Variants in COL13A1 observed in about 807,000 individuals in gnomAD.
The protein encoded by COL13A1 is collagen alpha-1(XIII) chain.
COL13A1 carries 89 observed loss-of-function variants against 130.9 expected under a neutral mutation model. That is an observed-to-expected ratio of 0.68 (90% CI 0.57 to 0.81). COL13A1 has a LOEUF of 0.81. Ranked by LOEUF, COL13A1 falls within the 30% of genes least tolerant of loss-of-function variation. COL13A1 has a pLI of 0.00. For synonymous variants in COL13A1, 402 were observed against 341.6 expected (o/e 1.18, Z -1.95); for missense variants, 879 against 934.6 (o/e 0.94, Z 0.78).
chr10:69,927,940 G>A (rs1398836385), intron 27 of COL13A1, among the ~76,000 whole-genome samples: 3 of 152,192 alleles, frequency 2.0e-5, no homozygotes, highest in Non-Finnish European at 2.9e-5. Context: ...TGGGCAGATC[G>A]CTTGAGGTCA....
intron 25 of COL13A1, 44 bp downstream of exon 25, chr10:69,925,051 T>A: frequency 6.7e-7 from 1 of 1,488,004 alleles, no homozygotes; most frequent in Non-Finnish European, 8.9e-7. Context: ...AAGCGGCTGG[T>A]AAATCAAAAA....
rs1430231704 is a variant in COL13A1, at chr10:69,947,361, A to G, written c.2058+19A>G. ...AAACCGGGTGAGTCTGAGCCCCTGC[A>G]CTCGTGCTCTAGTTACTAATGTCTT... On this transcript the variant is annotated intron_variant, in intron 38 of 40. Transcript: ENST00000645393. The G allele has an allele frequency of 6.2e-7, 1 of 1,603,154 alleles. No individual in the cohort carries two copies. Among genetic ancestry groups the G allele is most frequent in the Admixed American group, 1.7e-5 (1 of 58,486 alleles).
chr10:69,887,597 C>A, intron 8 of COL13A1, 106 bp downstream of exon 8: 1 of 1,243,416 alleles, frequency 8.0e-7, no homozygotes, highest in Non-Finnish European at 1.1e-6. Flanking sequence ...CTCTCCCAAA[C>A]CCTGGTCATT....
intron 2 of COL13A1, among the ~76,000 whole-genome samples, chr10:69,864,325 T>A (rs1020453419): frequency 5.3e-5 from 8 of 152,192 alleles, no homozygotes; most frequent in African/African-American, 1.7e-4. Context: ...GTCGATTGAA[T>A]GAATGAAGGA....
In COL13A1 at chr10:69,949,949, CGT is replaced by C. The variant is rs1234992758; in HGVS notation, c.2058+2612_2058+2613del. On this transcript the variant is annotated intron_variant, in intron 38 of 40. Transcript: ENST00000645393. Reference sequence around the variant, plus strand: ...GCATGTTTGTGTGTGTGTGTGTGTGCGTGTGTTTGTGTGTGCGTGTGTGTGTG... The same window carrying C: ...GCATGTTTGTGTGTGTGTGTGTGTGCGTGTTTGTGTGTGCGTGTGTGTGTG... 7.6e-4 allele frequency among the ~76,000 whole-genome samples: 79 copies of C among 103,556 alleles called. 1 individual carries two copies. The highest frequency in any genetic ancestry group is 6.6e-3 in the South Asian group (18 of 2,714). The allele number at this position is 103,556 out of a possible 152,430, so 67.9% of individuals were successfully genotyped here.
chr10:69,881,349 G>A (rs190043973), intron 7 of COL13A1, among the ~76,000 whole-genome samples: 14 of 152,240 alleles, frequency 9.2e-5, no homozygotes, highest in African/African-American at 1.4e-4. Flanking sequence ...GAGGAGCCCC[G>A]GCCTCACCAC....
chr10:69,808,389 T>A (rs918700746), intron 1 of COL13A1, among the ~76,000 whole-genome samples: 6 of 152,188 alleles, frequency 3.9e-5, no homozygotes, highest in Non-Finnish European at 8.8e-5. Context: ...TTGCTCTTCC[T>A]AGGTTGTGCC....
rs539916760 is a variant in COL13A1, at chr10:69,945,554, C to T, written c.1969-117C>T. The T allele has an allele frequency of 6.5e-5, 92 of 1,405,240 alleles. No homozygotes were observed. In the African/African-American group the frequency reaches 8.7e-4, roughly 13 times the overall value. 87.0% of individuals were successfully genotyped at this position (1,405,240 alleles called of 1,614,324 possible). Reference sequence around the variant, plus strand: ...CACCTTTCCCATAGCCCTTGCTTCCCGGAGGGCTCTTGAGGGGACTGGAGA... The same window carrying T: ...CACCTTTCCCATAGCCCTTGCTTCCTGGAGGGCTCTTGAGGGGACTGGAGA... On this transcript the variant is annotated intron_variant, in intron 36 of 40. Transcript: ENST00000645393.
Position 69,940,974 on chromosome 10 carries a change from T to C in COL13A1, c.1879-14T>C, listed in dbSNP as rs761355275. ...TCTTCCCCTTCTTTTGGTCAAACTG[T>C]GCCCTTCGTCCAGGGAGCTTCAGGT... On this transcript the variant is annotated splice_polypyrimidine_tract_variant and intron_variant, in intron 34 of 40. Coordinates refer to ENST00000645393, the MANE Select transcript of COL13A1 (RefSeq NM_001368882.1). 47 of 1,613,830 alleles carry C rather than the reference T, an allele frequency of 2.9e-5. No individual in the cohort carries two copies. Among genetic ancestry groups the C allele is most frequent in the Non-Finnish European group, 3.9e-5 (46 of 1,179,888 alleles).
At chr10:69,920,049 A>C (rs1327694937) in intron 21 of COL13A1, among the ~76,000 whole-genome samples, 1 of 152,134 alleles carries the variant, frequency 6.6e-6, no homozygotes, top group Non-Finnish European at 1.5e-5. Context: ...CAAACTAAGC[A>C]CATCTGCAGG....
At chr10:69,804,442 T>G (rs533829340) in intron 1 of COL13A1, among the ~76,000 whole-genome samples, 2 of 152,070 alleles carry the variant, frequency 1.3e-5, no homozygotes, top group South Asian at 4.2e-4. Flanking sequence ...ACATGCTCAC[T>G]CCTTCCCTCC....
At chr10:69,857,083 A>G (rs927875675) in intron 2 of COL13A1, among the ~76,000 whole-genome samples, 45 of 152,208 alleles carry the variant, frequency 3.0e-4, no homozygotes, top group Admixed American at 2.7e-3. Flanking sequence ...GAAACTGTTC[A>G]GCCTGAGAAC....
chr10:69,829,868 T>C (rs1180537871), intron 2 of COL13A1, among the ~76,000 whole-genome samples: 1 of 152,228 alleles, frequency 6.6e-6, no homozygotes, highest in East Asian at 1.9e-4. Flanking sequence ...TTTCAGAAAT[T>C]CCTGGGGAAT....
chr10:69,833,303 A>G (rs1849247507), intron 2 of COL13A1, among the ~76,000 whole-genome samples: 2 of 152,228 alleles, frequency 1.3e-5, no homozygotes. Flanking sequence ...AAGTTACAGT[A>G]ACTAGATTGA....
At chr10:69,810,556 C>A (rs1347582871) in intron 1 of COL13A1, among the ~76,000 whole-genome samples, 1 of 152,168 alleles carries the variant, frequency 6.6e-6, no homozygotes, top group Non-Finnish European at 1.5e-5. Flanking sequence ...AAGCAGCAGG[C>A]TTTTTGCTGT....
chr10:69,923,878 G>A, intron 24 of COL13A1, 23 bp downstream of exon 24: 1 of 1,608,768 alleles, frequency 6.2e-7, no homozygotes, highest in Non-Finnish European at 8.5e-7. Context: ...CCACATCCCA[G>A]AGCTGCAAGA....
At chr10:69,893,105 C>T (rs2061340596) in intron 10 of COL13A1, among the ~76,000 whole-genome samples, 1 of 152,246 alleles carries the variant, frequency 6.6e-6, no homozygotes, top group Non-Finnish European at 1.5e-5. Context: ...AATCCCAGAA[C>T]TCTGGGAGGC....
At chr10:69,868,351 G>A (rs10999004) in intron 3 of COL13A1, among the ~76,000 whole-genome samples, 22,351 of 152,080 alleles carry the variant, frequency 0.15, 1,816 homozygotes, top group Middle Eastern at 0.21. Flanking sequence ...GGTGTCAGCC[G>A]GTTAGACTGG....
chr10:69,819,518 G>A (rs1845482038), intron 1 of COL13A1, among the ~76,000 whole-genome samples: 1 of 152,172 alleles, frequency 6.6e-6, no homozygotes. Flanking sequence ...GGTGGCCCTA[G>A]AGTCAGTCCA....
Sources: gnomAD v4.1 joint callset for allele counts (sites outside exome capture counted in the v4.1 genomes callset) on GRCh38, gnomAD v4.1.1 for gene constraint, MANE v1.5 for transcripts, NCBI Gene and HGNC (gene_info 2026-07-23, HGNC 2026-07-21) for gene names.